Variants in NOC3L observed in about 807,000 individuals in gnomAD.
The protein encoded by NOC3L is nucleolar complex protein 3 homolog.
NOC3L carries 85 observed loss-of-function variants against 102.5 expected under a neutral mutation model. The observed-to-expected ratio is 0.83, with a 90% CI of 0.70 to 0.99. NOC3L has a LOEUF of 0.99. Ranked by LOEUF, NOC3L falls within the 50% of genes least tolerant of loss-of-function variation. The pLI is 0.00. For missense variants in NOC3L, 878 were observed against 914.9 expected, an observed-to-expected ratio of 0.96 and a Z score of 0.52; for synonymous variants, 303 against 309.4, an observed-to-expected ratio of 0.98 and a Z score of 0.22.
intron 13 of NOC3L, among the ~76,000 whole-genome samples, chr10:94,343,698 A>G (rs1392470247): frequency 2.0e-5 from 3 of 152,228 alleles, no homozygotes; most frequent in Non-Finnish European, 4.4e-5. Context: ...AGCGTAAAAT[A>G]TAAGTGTTCG....
At position 94,353,037 on chromosome 10, in the gene NOC3L, T is replaced by C. The variant is rs917329051; in HGVS notation, c.717A>G (p.Leu239=). The change falls in exon 7 of 21, where the codon TTA becomes TTG. Residue 239 remains leucine, a synonymous_variant. Transcript: ENST00000371361. ...GATCTTGTTCCATCAACATAGAACG[T>C]AATTCTTTCAATTTTTTAATCTGTT... ...PENNIKKLKE[L]RSMLMEQDPD... 6.2e-7 allele frequency: 1 copy of C among 1,604,968 alleles called. No individual in the cohort carries two copies. The highest frequency in any genetic ancestry group is 1.7e-5 in the Admixed American group (1 of 57,342).
At chr10:94,327,002 TACA>T in the NOC3L span, among the ~76,000 whole-genome samples, 6 of 150,466 alleles carry the variant, frequency 4.0e-5, no homozygotes, top group Admixed American at 6.6e-5. Flanking sequence ...CTACTAAAAA[TACA>T]ACAACAGTTA....
In NOC3L at chr10:94,341,670, T is replaced by TA. The variant is rs773301312; in HGVS notation, c.1644+2dup. 13 of 1,428,206 alleles carry TA rather than the reference T, an allele frequency of 9.1e-6. No homozygotes were observed. The Admixed American group carries it at 2.5e-4, about 27-fold the overall frequency. 88.5% of individuals were successfully genotyped at this position (1,428,206 alleles called of 1,614,324 possible). Reference sequence around the variant, plus strand: ...TTTTAAAAAATAATTTATTATTACTTACACCAGACTCAATGAGAGTATGAA... The same window carrying TA: ...TTTTAAAAAATAATTTATTATTACTTAACACCAGACTCAATGAGAGTATGAA... On this transcript the variant is annotated splice_region_variant and intron_variant, in intron 14 of 20. Coordinates refer to ENST00000371361, the MANE Select transcript of NOC3L (RefSeq NM_022451.11).
At chr10:94,319,482 CT>C in the NOC3L span, among the ~76,000 whole-genome samples, 1 of 152,162 alleles carries the variant, frequency 6.6e-6, no homozygotes, top group African/African-American at 2.4e-5. Flanking sequence ...TCTGTGACCT[CT>C]GATCTCTCCT....
the NOC3L span, among the ~76,000 whole-genome samples, chr10:94,319,613 T>C: frequency 2.0e-5 from 3 of 152,168 alleles, no homozygotes; most frequent in Admixed American, 6.6e-5. Context: ...ATTGTCACAA[T>C]GAACAGACCA....
At chr10:94,340,823 T>C (rs1161110648) in intron 14 of NOC3L, among the ~76,000 whole-genome samples, 1 of 150,910 alleles carries the variant, frequency 6.6e-6, no homozygotes, top group Non-Finnish European at 1.5e-5. Context: ...CTACTAAAAA[T>C]ACAAAAAATT....
chr10:94,348,536 A>C (rs1272241491), intron 10 of NOC3L, among the ~76,000 whole-genome samples: 4 of 152,128 alleles, frequency 2.6e-5, no homozygotes, highest in Non-Finnish European at 4.4e-5. Context: ...ATGTACTAAA[A>C]ACTCATCACA....
downstream of NOC3L, chr10:94,332,171 CCTA>C (rs2054167219): frequency 1.3e-5 from 2 of 152,254 alleles, no homozygotes; most frequent in South Asian, 4.1e-4. Context: ...ACCTGGCCTA[CCTA>C]CTCTTATACA....
intron 11 of NOC3L, among the ~76,000 whole-genome samples, chr10:94,345,545 GAGA>G (rs1399321271): frequency 6.6e-6 from 1 of 152,108 alleles, no homozygotes; most frequent in Non-Finnish European, 1.5e-5. Flanking sequence ...CTTCTCTCAT[GAGA>G]AGTTGTTAAA....
Position 94,352,854 on chromosome 10 carries a change from AG to A in NOC3L, c.858+41del, listed in dbSNP as rs1289527230. 2.0e-6 allele frequency: 3 copies of A among 1,535,588 alleles called. No individual in the cohort carries two copies. In the African/African-American group the frequency reaches 4.2e-5, roughly 21 times the overall value. ...AAAAGTCTATCTCTCCAAAATGTTT[AG>A]TTATTTTAGATAGTAATTATATCTA... On this transcript the variant is annotated intron_variant, in intron 7 of 20. Coordinates refer to ENST00000371361, the MANE Select transcript of NOC3L (RefSeq NM_022451.11).
intron 2 of NOC3L, 103 bp downstream of exon 2, chr10:94,361,560 ATC>A (rs1040307386): frequency 1.9e-5 from 20 of 1,044,378 alleles, no homozygotes; most frequent in African/African-American, 3.2e-5. Flanking sequence ...CTCTAGGAAG[ATC>A]TGAGAACAAG....
chr10:94,353,394 G>A (rs559213229), intron 6 of NOC3L, among the ~76,000 whole-genome samples: 6 of 152,288 alleles, frequency 3.9e-5, no homozygotes, highest in South Asian at 4.1e-4. Flanking sequence ...GGAAACTTAC[G>A]ATCAAGGCAG....
At chr10:94,332,196 C>G (rs1228174904), downstream of NOC3L, 1 of 152,152 alleles carries the variant, frequency 6.6e-6, no homozygotes, top group African/African-American at 2.4e-5. Context: ...CTCTTAGATT[C>G]AAAACATACT....
Position 94,338,584 on chromosome 10 carries a change from G to T in NOC3L, c.2091+24C>A, listed in dbSNP as rs377628928. On this transcript the variant is annotated intron_variant, in intron 18 of 20. Transcript: ENST00000371361. ...AATTATTCACAAACATCCCCAAAAA[G>T]AAAAAAACCAGGGCCACTCTTACCC... is the stretch of plus-strand genomic sequence containing the variant. 4.7e-6 allele frequency: 7 copies of T among 1,478,730 alleles called. 1 individual carries two copies. In the African/African-American group the frequency reaches 9.9e-5, roughly 21 times the overall value. The allele number at this position is 1,478,730 out of a possible 1,614,324, so 91.6% of individuals were successfully genotyped here.
In NOC3L at chr10:94,338,746, T is replaced by C. The variant is rs745432598; in HGVS notation, c.1963-10A>G. ...CTGTTTTGGGGAAAGTCTGCAAAAA[T>C]GTCACATAAAAAGAATTGGTTAAAT... On this transcript the variant is annotated splice_polypyrimidine_tract_variant and intron_variant, in intron 17 of 20. Transcript: ENST00000371361. The C allele has an allele frequency of 1.9e-6, 3 of 1,608,214 alleles. No individual in the cohort carries two copies. The highest frequency in any genetic ancestry group is 1.3e-5 in the African/African-American group (1 of 74,610).
At chr10:94,342,930 C>T (rs1193601703) in intron 13 of NOC3L, among the ~76,000 whole-genome samples, 7 of 151,862 alleles carry the variant, frequency 4.6e-5, no homozygotes, top group Non-Finnish European at 1.0e-4. Context: ...ACTAAAAATA[C>T]AGAAATTAGC....
chr10:94,322,114 A>G, the NOC3L span: 1 of 1,529,512 alleles, frequency 6.5e-7, no homozygotes, highest in African/African-American at 1.4e-5. Flanking sequence ...AATTATTGGA[A>G]CAAATGTCTG....
rs1192589289 is a variant in NOC3L, at chr10:94,361,684, G to A, written c.198C>T (p.Asn66=). Reference sequence around the variant, plus strand: ...AATTACCTGGTCGCTTTTCCTTTGGGTTCTCCAATGGAATGGGTTTCTTAG... The same window carrying A: ...AATTACCTGGTCGCTTTTCCTTTGGATTCTCCAATGGAATGGGTTTCTTAG... The part of the protein sequence containing the change: ...AVSKKPIPLE[N]PKEKRPGKRI... Residue 66 remains asparagine (N), a synonymous_variant, in exon 2 of 21, where the codon AAC becomes AAT. Transcript: ENST00000371361. 1 of 1,613,848 alleles carries A rather than the reference G, an allele frequency of 6.2e-7. No individual in the cohort carries two copies. The highest frequency in any genetic ancestry group is 1.1e-5 in the South Asian group (1 of 91,038).
intron 10 of NOC3L, among the ~76,000 whole-genome samples, chr10:94,348,877 A>T (rs2054379687): frequency 6.6e-6 from 1 of 152,024 alleles, no homozygotes; most frequent in Non-Finnish European, 1.5e-5. Flanking sequence ...TCTAGAAAAA[A>T]CTCAGCTGTT....
Sources: gnomAD v4.1 joint callset for allele counts (sites outside exome capture counted in the v4.1 genomes callset) on GRCh38, gnomAD v4.1.1 for gene constraint, MANE v1.5 for transcripts, NCBI Gene and HGNC (gene_info 2026-07-23, HGNC 2026-07-21) for gene names.